The following RGL1 variants were observed in gnomAD, a reference collection of about 807,000 sequenced individuals.
The protein encoded by RGL1 is ral guanine nucleotide dissociation stimulator like 1.
Under a neutral mutation model 95.2 loss-of-function variants are expected in RGL1, and 24 were observed. The ratio of observed to expected loss-of-function variants is 0.25; its 90% CI spans 0.18 to 0.35. The LOEUF (loss-of-function observed/expected upper bound fraction) is 0.35. Among genes scored for constraint, RGL1 ranks in the 10% least tolerant of loss-of-function variants. RGL1 has a pLI of 1.00. For synonymous variants in RGL1, 329 were observed against 344.9 expected, an observed-to-expected ratio of 0.95 and a Z score of 0.51; for missense variants, 715 against 936.3, an observed-to-expected ratio of 0.76 and a Z score of 3.08.
intron 1 of RGL1, among the ~76,000 whole-genome samples, chr1:183,652,475 C>T (rs1407055723): frequency 6.6e-6 from 1 of 152,212 alleles, no homozygotes; most frequent in East Asian, 1.9e-4. Context: ...TCACCCTCAT[C>T]TGAAGAGGAA....
intron 2 of RGL1, among the ~76,000 whole-genome samples, chr1:183,790,619 C>T (rs1660398922): frequency 6.6e-6 from 1 of 151,980 alleles, no homozygotes; most frequent in South Asian, 2.1e-4. Context: ...TCCTGAGGCA[C>T]AGGATACAAT....
In RGL1 at chr1:183,880,732, G is replaced by C; in HGVS notation, c.542G>C (p.Gly181Ala). The C allele has an allele frequency of 6.2e-7, 1 of 1,613,934 alleles. No homozygotes were observed. Among genetic ancestry groups the C allele is most frequent in the South Asian group, 1.1e-5 (1 of 91,074 alleles). Reference protein sequence around the residue: ...LLDYLTRMMPGSDPERRAQNL... With the variant: ...LLDYLTRMMPASDPERRAQNL... ...GATTATCTCACACGGATGATGCCGGGCTCTGACCCAGAAAGAAGAGCACAA... is the reference window on the plus strand; with the variant it reads ...GATTATCTCACACGGATGATGCCGGCCTCTGACCCAGAAAGAAGAGCACAA... The change falls in exon 5 of 18, where the codon GGC becomes GCC. Residue 181 changes from glycine to alanine, a missense_variant. By Grantham distance (60) the Gly-to-Ala change is moderately conservative (BLOSUM62 0). Coordinates refer to ENST00000360851, the MANE Select transcript of RGL1 (RefSeq NM_001297671.3).
chr1:183,865,953 C>G (rs1665803339), intron 3 of RGL1, 43 bp from the exon 4 acceptor site: 1 of 1,400,686 alleles, frequency 7.1e-7, no homozygotes, highest in African/African-American at 1.4e-5. Context: ...CTTTCCAACA[C>G]CACTGACTGT....
chr1:183,638,517 T>C (rs184672514), intron 1 of RGL1, among the ~76,000 whole-genome samples: 3 of 150,750 alleles, frequency 2.0e-5, no homozygotes, highest in Admixed American at 2.0e-4. Flanking sequence ...GGTAGTTAAA[T>C]CTTTATAAAG....
At chr1:183,740,003 CA>C (rs1657191591) in intron 1 of RGL1, among the ~76,000 whole-genome samples, 1 of 152,172 alleles carries the variant, frequency 6.6e-6, no homozygotes, top group African/African-American at 2.4e-5. Context: ...GGTTTGTTTC[CA>C]TAATATACGA....
intron 14 of RGL1, among the ~76,000 whole-genome samples, chr1:183,907,970 C>A (rs545623534): frequency 2.0e-5 from 3 of 152,156 alleles, no homozygotes; most frequent in South Asian, 2.1e-4. Flanking sequence ...GCACTCTAGC[C>A]TGGATGACAG....
At chr1:183,895,946 T>A (rs143257202) in intron 9 of RGL1, among the ~76,000 whole-genome samples, 1 of 152,366 alleles carries the variant, frequency 6.6e-6, no homozygotes, top group East Asian at 1.9e-4. Flanking sequence ...TCTTTTGAGA[T>A]CCCTTTCACC....
chr1:183,824,559 AT>A (rs1276921826), intron 2 of RGL1, among the ~76,000 whole-genome samples: 3 of 152,062 alleles, frequency 2.0e-5, no homozygotes. Context: ...CTGCCTTCCT[AT>A]TTTTGCTCCT....
At chr1:183,648,204 A>T in intron 1 of RGL1, 1 of 1,614,214 alleles carries the variant, frequency 6.2e-7, no homozygotes, top group East Asian at 2.2e-5. Flanking sequence ...AGAATGCCAG[A>T]TCCCACCACT....
intron 1 of RGL1, among the ~76,000 whole-genome samples, chr1:183,669,325 T>A (rs2102048314): frequency 6.6e-6 from 1 of 152,338 alleles, no homozygotes; most frequent in African/African-American, 2.4e-5. Flanking sequence ...TACACTATAT[T>A]TTTTTGTAAT....
At chr1:183,871,363 T>C (rs1666173047) in intron 4 of RGL1, among the ~76,000 whole-genome samples, 1 of 152,196 alleles carries the variant, frequency 6.6e-6, no homozygotes, top group Non-Finnish European at 1.5e-5. Flanking sequence ...TGTTTTCTTT[T>C]GCTATGAATC....
At chr1:183,845,437 T>C (rs765766903) in intron 2 of RGL1, among the ~76,000 whole-genome samples, 16 of 152,374 alleles carry the variant, frequency 1.1e-4, no homozygotes, top group African/African-American at 3.1e-4. Context: ...GAAGATTTTA[T>C]TACCAATGAA....
chr1:183,882,772 G>A (rs1165030737), intron 5 of RGL1, among the ~76,000 whole-genome samples: 1 of 152,152 alleles, frequency 6.6e-6, no homozygotes. Flanking sequence ...CTTTTCCCTG[G>A]AAAATGAAGG....
At chr1:183,829,079 C>T (rs1663080770) in intron 2 of RGL1, among the ~76,000 whole-genome samples, 1 of 152,120 alleles carries the variant, frequency 6.6e-6, no homozygotes, top group Non-Finnish European at 1.5e-5. Flanking sequence ...TCTTCAGTTA[C>T]AGGGATTTGG....
chr1:183,821,954 T>A (rs1015863726), intron 2 of RGL1, among the ~76,000 whole-genome samples: 4 of 152,154 alleles, frequency 2.6e-5, no homozygotes, highest in African/African-American at 9.7e-5. Flanking sequence ...CAGAAGAGAC[T>A]GTATTCTAAT....
At chr1:183,822,685 T>C (rs904024390) in intron 2 of RGL1, among the ~76,000 whole-genome samples, 1 of 152,232 alleles carries the variant, frequency 6.6e-6, no homozygotes, top group Non-Finnish European at 1.5e-5. Context: ...TTTATACTTA[T>C]TGCAAACAAT....
intron 2 of RGL1, among the ~76,000 whole-genome samples, chr1:183,819,103 A>T (rs1301903755): frequency 6.6e-6 from 1 of 152,206 alleles, no homozygotes; most frequent in Non-Finnish European, 1.5e-5. Context: ...TTCTGAAGTT[A>T]TTCTACTTAG....
At chr1:183,877,457 A>G (rs1386464317) in intron 4 of RGL1, among the ~76,000 whole-genome samples, 4 of 152,208 alleles carry the variant, frequency 2.6e-5, no homozygotes, top group African/African-American at 9.7e-5. Context: ...AAATCTATCA[A>G]GAACGGAAAG....
chr1:183,776,294 G>A (rs1401653300), intron 2 of RGL1, among the ~76,000 whole-genome samples: 2 of 151,316 alleles, frequency 1.3e-5, no homozygotes, highest in African/African-American at 2.4e-5. Context: ...GACTACAGGC[G>A]CCCGCTACCA....
Sources: gnomAD v4.1 joint callset for allele counts (sites outside exome capture counted in the v4.1 genomes callset) on GRCh38, gnomAD v4.1.1 for gene constraint, MANE v1.5 for transcripts, NCBI Gene and HGNC (gene_info 2026-07-23, HGNC 2026-07-21) for gene names.